Variants in GLP2R observed in about 807,000 individuals in gnomAD.
GLP2R encodes the protein glucagon-like peptide 2 receptor.
A neutral mutation model predicts 68.2 loss-of-function variants in GLP2R; 59 were observed. The observed-to-expected ratio is 0.87, with a 90% confidence interval of 0.70 to 1.07. GLP2R has a LOEUF of 1.07. Among genes scored for constraint, GLP2R ranks in the 50% least tolerant of loss-of-function variants. The pLI is 0.00. For synonymous variants in GLP2R, 270 were observed against 265.4 expected (o/e 1.02, Z -0.17); for missense variants, 548 against 677.4 (o/e 0.81, Z 2.12).
chr17:9,877,498 G>A (rs756873856), intron 10 of GLP2R, among the ~76,000 whole-genome samples: 4 of 152,148 alleles, frequency 2.6e-5, no homozygotes, highest in African/African-American at 4.8e-5. Context: ...GGACATTAGC[G>A]GGAAATCCAC....
chr17:9,848,763 A>G (rs2066863915), intron 4 of GLP2R, among the ~76,000 whole-genome samples: 1 of 152,038 alleles, frequency 6.6e-6, no homozygotes, highest in Non-Finnish European at 1.5e-5. Flanking sequence ...AGTGTTAGTA[A>G]ATCTTTGCCC....
chr17:9,881,378 C>CTTTTTT (rs35526930), intron 11 of GLP2R, among the ~76,000 whole-genome samples: 4 of 95,654 alleles, frequency 4.2e-5, no homozygotes, highest in Non-Finnish European at 7.8e-5. Flanking sequence ...GCTGTCAGGC[C>CTTTTTT]TTTTTTTTTT....
intron 10 of GLP2R, among the ~76,000 whole-genome samples, chr17:9,877,147 T>A (rs1166740779): frequency 2.0e-5 from 3 of 152,352 alleles, no homozygotes; most frequent in African/African-American, 4.8e-5. Context: ...TCTTTCCCAC[T>A]ATATTCACTC....
At chr17:9,856,912 T>C (rs2066938464) in intron 5 of GLP2R, among the ~76,000 whole-genome samples, 1 of 152,174 alleles carries the variant, frequency 6.6e-6, no homozygotes. Flanking sequence ...GAAGATGTTT[T>C]GTAGGTGATA....
intron 9 of GLP2R, 82 bp from the exon 10 acceptor site, chr17:9,870,665 T>G: frequency 1.3e-6 from 1 of 755,382 alleles, no homozygotes; most frequent in South Asian, 1.5e-5. Context: ...ATGGAACTGA[T>G]GGCCGAGCCC....
chr17:9,847,841 G>A (rs1221729187), intron 4 of GLP2R, among the ~76,000 whole-genome samples: 1 of 152,120 alleles, frequency 6.6e-6, no homozygotes, highest in South Asian at 2.1e-4. Context: ...CATGTCCTTG[G>A]CTCCCTTAAG....
chr17:9,869,794 A>G (rs1255551732), intron 9 of GLP2R, among the ~76,000 whole-genome samples: 1 of 152,238 alleles, frequency 6.6e-6, no homozygotes, highest in Non-Finnish European at 1.5e-5. Flanking sequence ...GACCTAGCCC[A>G]GAAGTCACAT....
chr17:9,862,267 A>G (rs951772308), intron 9 of GLP2R, among the ~76,000 whole-genome samples, 177 bp downstream of exon 9: 1 of 152,162 alleles, frequency 6.6e-6, no homozygotes, highest in African/African-American at 2.4e-5. Context: ...TCAGGACCTC[A>G]ATTTGGAGTT....
Position 9,880,412 on chromosome 17 carries a change from T to C in GLP2R, c.1180T>C (p.Leu394=), listed in dbSNP as rs2067184667. 6.2e-7 allele frequency: 1 copy of C among 1,602,740 alleles called. No homozygotes were observed. The highest frequency in any genetic ancestry group is 1.3e-5 in the African/African-American group (1 of 74,746). Residue 394 remains leucine, a synonymous_variant, in exon 11 of 13, where the codon TTG becomes CTG. Coordinates refer to ENST00000262441, the MANE Select transcript of GLP2R (RefSeq NM_004246.3). ...AKSTLVLIPL[L]GVHEILFSFI... ...ATCAACACTGGTCCTCATTCCTTTA[T>C]TGGGCGTTCATGAGATCCTCTTCTC...
At chr17:9,852,691 A>C (rs1375322806) in intron 4 of GLP2R, 1 of 228,090 alleles carries the variant, frequency 4.4e-6, no homozygotes, top group African/African-American at 2.4e-5. Context: ...GATGGTTTTG[A>C]GTCTTTTCCA....
intron 4 of GLP2R, among the ~76,000 whole-genome samples, chr17:9,845,144 C>T (rs919253471): frequency 2.0e-5 from 3 of 151,646 alleles, no homozygotes; most frequent in Non-Finnish European, 4.4e-5. Context: ...CCACAGCCTC[C>T]ACCTTCCAGG....
chr17:9,832,051 C>T (rs1012148331), intron 1 of GLP2R, among the ~76,000 whole-genome samples: 10 of 152,184 alleles, frequency 6.6e-5, no homozygotes, highest in East Asian at 5.8e-4. Context: ...GGCTGTGTCT[C>T]GCTCATCTCT....
intron 4 of GLP2R, among the ~76,000 whole-genome samples, chr17:9,844,362 C>G (rs55966881): frequency 6.6e-6 from 1 of 151,890 alleles, no homozygotes; most frequent in South Asian, 2.1e-4. Context: ...TTATGGAGAT[C>G]GGAGACTGGG....
intron 9 of GLP2R, among the ~76,000 whole-genome samples, chr17:9,863,740 C>A (rs927801327): frequency 6.6e-6 from 1 of 152,216 alleles, no homozygotes; most frequent in African/African-American, 2.4e-5. Flanking sequence ...AATGGCCACA[C>A]TCTCCTTTGT....
chr17:9,858,025 AT>A (rs1430881954), intron 6 of GLP2R, among the ~76,000 whole-genome samples: 2 of 152,226 alleles, frequency 1.3e-5, no homozygotes, highest in Non-Finnish European at 2.9e-5. Context: ...TATAACAACT[AT>A]TCACATAGCG....
intron 3 of GLP2R, among the ~76,000 whole-genome samples, chr17:9,840,822 C>A (rs2066779434): frequency 6.6e-6 from 1 of 152,138 alleles, no homozygotes; most frequent in Admixed American, 6.5e-5. Flanking sequence ...GTCAATGGCG[C>A]TCTATGCGGG....
intron 1 of GLP2R, among the ~76,000 whole-genome samples, chr17:9,827,019 G>A (rs534477645): frequency 3.0e-4 from 46 of 152,058 alleles, no homozygotes; most frequent in African/African-American, 9.2e-4. Context: ...TTACAGGTAC[G>A]TGCCACCACC....
chr17:9,868,458 G>A (rs6503256), intron 9 of GLP2R, among the ~76,000 whole-genome samples: 37,748 of 152,074 alleles, frequency 0.25, 7,261 homozygotes, highest in African/African-American at 0.52. Flanking sequence ...ATGCATCTGG[G>A]ATAGATCCTT....
Position 9,862,007 on chromosome 17 carries a change from A to T in GLP2R, c.987-14A>T. 1 of 1,592,180 alleles carries T rather than the reference A, an allele frequency of 6.3e-7. No individual in the cohort carries two copies. Among genetic ancestry groups the T allele is most frequent in the East Asian group, 2.2e-5 (1 of 44,770 alleles). Reference sequence around the variant, plus strand: ...TTTAAGTCTTCTACTGCCTGCTTCTACTGTTGACCTTAGGTGCTGGACAAC... The same window carrying T: ...TTTAAGTCTTCTACTGCCTGCTTCTTCTGTTGACCTTAGGTGCTGGACAAC... On this transcript the variant is annotated splice_polypyrimidine_tract_variant and intron_variant, in intron 8 of 12. Transcript: ENST00000262441.
Sources: allele counts gnomAD v4.1 joint callset (sites outside exome capture counted in the v4.1 genomes callset), GRCh38; gene constraint gnomAD v4.1.1; transcripts MANE v1.5; gene names NCBI Gene and HGNC (gene_info 2026-07-23, HGNC 2026-07-21).